Variants in PAK5 observed in about 807,000 individuals in gnomAD.
The protein encoded by PAK5 is p21 (RAC1) activated kinase 5, also known as serine/threonine-protein kinase PAK 5.
PAK5 carries 16 observed loss-of-function variants against 65.9 expected under a neutral mutation model. The ratio of observed to expected loss-of-function variants is 0.24; its 90% CI spans 0.16 to 0.37. The LOEUF is 0.37. Among genes scored for constraint, PAK5 ranks in the 10% least tolerant of loss-of-function variants. The probability of loss-of-function intolerance (pLI) is 1.00; values close to 1 mark genes in which losing one functional copy is unlikely to be tolerated. For missense variants in PAK5, 785 were observed against 903.9 expected, an observed-to-expected ratio of 0.87 and a Z score of 1.69; for synonymous variants, 371 against 354.9, an observed-to-expected ratio of 1.05 and a Z score of -0.51.
chr20:9,701,350 G>A (rs74506445), intron 2 of PAK5, among the ~76,000 whole-genome samples: 1,595 of 152,276 alleles, frequency 0.01, 16 homozygotes, highest in Middle Eastern at 0.044. Flanking sequence ...GAATGTGAGC[G>A]TTCCATAAAT....
intron 2 of PAK5, among the ~76,000 whole-genome samples, chr20:9,658,474 A>G (rs2047299755): frequency 1.3e-5 from 2 of 152,204 alleles, no homozygotes; most frequent in African/African-American, 4.8e-5. Flanking sequence ...AAAGGCACAT[A>G]AGATTGGTTC....
At position 9,589,304 on chromosome 20, in the gene PAK5, C is replaced by T. The variant is rs145528730; in HGVS notation, c.205-8374G>A. Among the ~76,000 whole-genome samples, 9 of 152,330 alleles carry T rather than the reference C, an allele frequency of 5.9e-5. No individual in the cohort carries two copies. The East Asian group carries it at 1.7e-3, about 29-fold the overall frequency. On this transcript the variant is annotated intron_variant, in intron 3 of 9. Coordinates refer to ENST00000353224, the MANE Select transcript of PAK5 (RefSeq NM_177990.4). ...TTTTATTAAGGCAGGTAGCTGGAAA[C>T]ATCAGGTAACATAGTCACAACAAAC... is the stretch of plus-strand genomic sequence containing the variant.
intron 1 of PAK5, among the ~76,000 whole-genome samples, chr20:9,753,694 G>A (rs1160526281): frequency 2.0e-5 from 3 of 152,064 alleles, no homozygotes; most frequent in Non-Finnish European, 4.4e-5. Context: ...CTAACAAAGA[G>A]CAAAATATAT....
intron 1 of PAK5, among the ~76,000 whole-genome samples, chr20:9,828,114 C>T (rs1265737858): frequency 1.3e-5 from 2 of 152,108 alleles, no homozygotes; most frequent in Non-Finnish European, 2.9e-5. Context: ...GGATTACAGG[C>T]GTGAGCCACC....
Position 9,539,403 on chromosome 20 carries a change from G to T in PAK5, c.*59C>A. ...TTTTGCATGTTCTGTGTTTCCTTTT[G>T]TTCTCCTGAATTATTCTCATGTCCT... On this transcript the variant is annotated 3_prime_UTR_variant, in exon 10 of 10. Coordinates refer to ENST00000353224, the MANE Select transcript of PAK5 (RefSeq NM_177990.4). 3.3e-6 allele frequency: 5 copies of T among 1,534,336 alleles called. No homozygotes were observed. The highest frequency in any genetic ancestry group is 1.8e-6 in the Non-Finnish European group (2 of 1,112,554).
intron 5 of PAK5, among the ~76,000 whole-genome samples, chr20:9,564,023 G>T (rs1742370878): frequency 6.6e-6 from 1 of 152,180 alleles, no homozygotes; most frequent in Non-Finnish European, 1.5e-5. Context: ...GAAAGACAAA[G>T]AGGTCAAGCA....
chr20:9,657,830 T>G (rs111576656), intron 2 of PAK5, among the ~76,000 whole-genome samples: 13 of 152,288 alleles, frequency 8.5e-5, no homozygotes, highest in African/African-American at 3.1e-4. Flanking sequence ...AGAAAATGAT[T>G]TGCCTTGTTC....
intron 1 of PAK5, among the ~76,000 whole-genome samples, chr20:9,757,287 A>G (rs1455558148): frequency 6.6e-6 from 1 of 152,206 alleles, no homozygotes; most frequent in Admixed American, 6.5e-5. Context: ...TTTTATTACA[A>G]GTCCTCATAA....
intron 2 of PAK5, among the ~76,000 whole-genome samples, chr20:9,680,197 T>C (rs1421319070): frequency 6.6e-6 from 1 of 152,116 alleles, no homozygotes; most frequent in African/African-American, 2.4e-5. Flanking sequence ...GCCACAGAGA[T>C]AAAAGCATAG....
intron 1 of PAK5, among the ~76,000 whole-genome samples, chr20:9,787,244 T>C (rs1600373792): frequency 6.6e-6 from 1 of 152,156 alleles, no homozygotes; most frequent in East Asian, 1.9e-4. Flanking sequence ...GATCATGCCC[T>C]ACTTGTCTCA....
intron 1 of PAK5, among the ~76,000 whole-genome samples, chr20:9,753,585 T>C (rs2048600647): frequency 1.3e-5 from 2 of 152,128 alleles, no homozygotes; most frequent in South Asian, 4.1e-4. Context: ...AAGAAGGACA[T>C]TATACATACA....
intron 1 of PAK5, among the ~76,000 whole-genome samples, chr20:9,763,899 C>T (rs575683170): frequency 9.2e-5 from 14 of 152,144 alleles, no homozygotes; most frequent in Non-Finnish European, 1.2e-4. Flanking sequence ...TAAATATATG[C>T]GTATCCTTTT....
intron 2 of PAK5, among the ~76,000 whole-genome samples, chr20:9,710,880 T>C (rs760165955): frequency 1.4e-4 from 22 of 152,190 alleles, no homozygotes; most frequent in Non-Finnish European, 2.8e-4. Context: ...ACATGGATCC[T>C]GGTTCATGAC....
At chr20:9,671,823 T>C (rs1259898058) in intron 2 of PAK5, among the ~76,000 whole-genome samples, 2 of 151,660 alleles carry the variant, frequency 1.3e-5, no homozygotes, top group Non-Finnish European at 2.9e-5. Context: ...TGAATAGGAG[T>C]GGTGAGAGAG....
intron 7 of PAK5, among the ~76,000 whole-genome samples, chr20:9,550,731 G>GGTGTGT (rs111410496): frequency 0.014 from 2,125 of 148,542 alleles, 35 homozygotes; most frequent in African/African-American, 0.04. Context: ...CCATAATTGT[G>GGTGTGT]GTGTGTGTGT....
chr20:9,595,359 C>G (rs1361574140), intron 3 of PAK5, among the ~76,000 whole-genome samples: 1 of 152,070 alleles, frequency 6.6e-6, no homozygotes, highest in African/African-American at 2.4e-5. Flanking sequence ...AAGTTTAAGT[C>G]CAGAATGCAG....
intron 1 of PAK5, among the ~76,000 whole-genome samples, chr20:9,784,987 C>T (rs536805807): frequency 1.3e-5 from 2 of 151,990 alleles, no homozygotes; most frequent in South Asian, 4.2e-4. Flanking sequence ...ATAGTACCTC[C>T]TTTCCAATAA....
At chr20:9,814,356 A>G (rs2049331834) in intron 1 of PAK5, among the ~76,000 whole-genome samples, 2 of 152,216 alleles carry the variant, frequency 1.3e-5, no homozygotes, top group South Asian at 4.1e-4. Context: ...AAAATAAATC[A>G]TATAATGCAC....
rs139538869 is a variant in PAK5 at position 9,564,694 on chromosome 20, A to G, written c.1482+1199T>C. Reference sequence around the variant, plus strand: ...TGTTCATCCTACTTCTAGGAATCTAATAAATTATCAGATATGAAGCCAAAG... The same window carrying G: ...TGTTCATCCTACTTCTAGGAATCTAGTAAATTATCAGATATGAAGCCAAAG... On this transcript the variant is annotated intron_variant, in intron 5 of 9. Transcript: ENST00000353224. 5.3e-3 allele frequency among the ~76,000 whole-genome samples: 805 copies of G among 152,248 alleles called. 5 individuals are homozygous for G. The highest frequency in any genetic ancestry group is 0.033 in the East Asian group (172 of 5,186).
Sources: allele counts gnomAD v4.1 joint callset (sites outside exome capture counted in the v4.1 genomes callset), GRCh38; gene constraint gnomAD v4.1.1; transcripts MANE v1.5; gene names NCBI Gene and HGNC (gene_info 2026-07-23, HGNC 2026-07-21).